LRFN2: variants seen among roughly 807,000 people sequenced by gnomAD.
LRFN2 encodes leucine-rich repeat and fibronectin type-III domain-containing protein 2.
LRFN2 carries 18 observed loss-of-function variants against 37.3 expected under a neutral mutation model. The observed-to-expected ratio is 0.48, with a 90% confidence interval of 0.33 to 0.72. LRFN2 has a LOEUF of 0.72. Ranked by LOEUF, LRFN2 falls within the 30% of genes least tolerant of loss-of-function variation. LRFN2 has a pLI of 0.02. For missense variants in LRFN2, 1,006 were observed against 1,060.7 expected, an observed-to-expected ratio of 0.95 and a Z score of 0.72; for synonymous variants, 556 against 466.6, an observed-to-expected ratio of 1.19 and a Z score of -2.47.
chr6:40,566,383 G>C (rs532370272), intron 1 of LRFN2, among the ~76,000 whole-genome samples: 2 of 152,194 alleles, frequency 1.3e-5, no homozygotes, highest in Admixed American at 1.3e-4. Context: ...CCCATTACTG[G>C]GTATATACCC....
intron 1 of LRFN2, among the ~76,000 whole-genome samples, chr6:40,541,722 C>T (rs1405966490): frequency 6.6e-6 from 1 of 152,198 alleles, no homozygotes; most frequent in East Asian, 1.9e-4. Context: ...CAGGTCACAG[C>T]TGCCGCCCGT....
intron 1 of LRFN2, among the ~76,000 whole-genome samples, chr6:40,448,079 A>G (rs1284298808): frequency 3.3e-5 from 5 of 152,206 alleles, no homozygotes; most frequent in African/African-American, 1.2e-4. Flanking sequence ...TGTTAGGGCA[A>G]TAGCCTGTGA....
chr6:40,530,134 C>A (rs1376011579), intron 1 of LRFN2, among the ~76,000 whole-genome samples: 1 of 152,198 alleles, frequency 6.6e-6, no homozygotes, highest in African/African-American at 2.4e-5. Flanking sequence ...CTTTGCAATG[C>A]CTGCTGTCTG....
intron 1 of LRFN2, among the ~76,000 whole-genome samples, chr6:40,580,709 T>C (rs1767381602): frequency 6.6e-6 from 1 of 152,184 alleles, no homozygotes; most frequent in African/African-American, 2.4e-5. Context: ...AAGGGTTGAA[T>C]GGCACCCGCC....
intron 1 of LRFN2, among the ~76,000 whole-genome samples, chr6:40,475,165 T>A (rs2113859761): frequency 6.6e-6 from 1 of 152,354 alleles, no homozygotes; most frequent in South Asian, 2.1e-4. Context: ...GCAAGCCAGC[T>A]GCAGCCTGGG....
intron 2 of LRFN2, among the ~76,000 whole-genome samples, chr6:40,419,869 A>G (rs1312954468): frequency 6.6e-6 from 1 of 152,198 alleles, no homozygotes; most frequent in Non-Finnish European, 1.5e-5. Flanking sequence ...GCCCAAGTGG[A>G]CTAATTTCAC....
intron 1 of LRFN2, among the ~76,000 whole-genome samples, chr6:40,540,807 G>A (rs1766540690): frequency 6.6e-6 from 1 of 152,206 alleles, no homozygotes; most frequent in African/African-American, 2.4e-5. Flanking sequence ...AAGGAGCACA[G>A]CAGAGGTCTG....
At chr6:40,451,959 C>A (rs1375407754) in intron 1 of LRFN2, among the ~76,000 whole-genome samples, 2 of 152,158 alleles carry the variant, frequency 1.3e-5, no homozygotes, top group Non-Finnish European at 2.9e-5. Flanking sequence ...TTCTAGGAAT[C>A]ATCATCACTC....
At chr6:40,519,254 C>A (rs1476538129) in intron 1 of LRFN2, among the ~76,000 whole-genome samples, 5 of 152,122 alleles carry the variant, frequency 3.3e-5, no homozygotes, top group Non-Finnish European at 7.4e-5. Context: ...TCATAACAAC[C>A]CTTTAAAATC....
chr6:40,535,300 C>T (rs752862601), intron 1 of LRFN2, among the ~76,000 whole-genome samples: 4 of 152,186 alleles, frequency 2.6e-5, no homozygotes, highest in Non-Finnish European at 4.4e-5. Context: ...ATGATGATTA[C>T]CATCATTATC....
At chr6:40,495,761 A>C (rs1765210767) in intron 1 of LRFN2, among the ~76,000 whole-genome samples, 2 of 152,164 alleles carry the variant, frequency 1.3e-5, no homozygotes, top group South Asian at 4.1e-4. Flanking sequence ...AGATTGCCTA[A>C]GGCTTGATCC....
intron 2 of LRFN2, among the ~76,000 whole-genome samples, chr6:40,416,625 T>C (rs995172371): frequency 2.6e-5 from 4 of 152,196 alleles, no homozygotes; most frequent in African/African-American, 9.7e-5. Flanking sequence ...CCCAGGGACT[T>C]TGACTCTGTC....
At chr6:40,399,222 A>T (rs1408061276) in intron 2 of LRFN2, among the ~76,000 whole-genome samples, 1 of 151,612 alleles carries the variant, frequency 6.6e-6, no homozygotes, top group Non-Finnish European at 1.5e-5. Flanking sequence ...TGGTCATGCC[A>T]TCTCCTCCTG....
chr6:40,461,269 C>T (rs1244623791), intron 1 of LRFN2, among the ~76,000 whole-genome samples: 1 of 151,856 alleles, frequency 6.6e-6, no homozygotes, highest in East Asian at 1.9e-4. Flanking sequence ...ATTAGTCGGG[C>T]ATGGTAGTCA....
chr6:40,455,679 A>G (rs955940135), intron 1 of LRFN2, among the ~76,000 whole-genome samples: 2 of 152,178 alleles, frequency 1.3e-5, no homozygotes, highest in African/African-American at 4.8e-5. Flanking sequence ...TTATTGTGTT[A>G]TTTTGTGGCC....
chr6:40,470,958 C>A (rs756576146), intron 1 of LRFN2, among the ~76,000 whole-genome samples: 13 of 152,170 alleles, frequency 8.5e-5, no homozygotes, highest in Non-Finnish European at 1.8e-4. Context: ...ATTGCAAGGA[C>A]CAGGAGTGGC....
chr6:40,416,291 G>A (rs1763090599), intron 2 of LRFN2, among the ~76,000 whole-genome samples: 2 of 152,382 alleles, frequency 1.3e-5, no homozygotes, highest in Non-Finnish European at 1.5e-5. Context: ...TTACAGGCGT[G>A]AGCCACCATG....
In LRFN2 at chr6:40,431,845, T is replaced by C; in HGVS notation, c.1269A>G (p.Glu423=). The change falls in exon 2 of 3, where the codon GAA becomes GAG. Residue 423 remains glutamate (E), a synonymous_variant. Transcript: ENST00000338305. ...TCACTTCAGACACAAGCACAGCCCG[T>C]TCCGGGGGGCTTTTGGGAGGCTCTC... is the stretch of plus-strand genomic sequence containing the variant. ...GGGEPPKSPP[E]RAVLVSEVTT... 6.3e-7 allele frequency: 1 copy of C among 1,583,692 alleles called. No homozygotes were observed. The highest frequency in any genetic ancestry group is 1.3e-5 in the African/African-American group (1 of 74,704).
intron 1 of LRFN2, among the ~76,000 whole-genome samples, chr6:40,459,552 T>A (rs1764303599): frequency 6.6e-6 from 1 of 152,230 alleles, no homozygotes; most frequent in East Asian, 1.9e-4. Flanking sequence ...TGCTTCCTAC[T>A]GTCCTCCCCT....
Sources: gnomAD v4.1 joint callset for allele counts (sites outside exome capture counted in the v4.1 genomes callset) on GRCh38, gnomAD v4.1.1 for gene constraint, MANE v1.5 for transcripts, NCBI Gene and HGNC (gene_info 2026-07-23, HGNC 2026-07-21) for gene names.